Variants in EPG5 observed in about 807,000 individuals in gnomAD.
The protein encoded by EPG5 is ectopic P granules protein 5 homolog.
EPG5 carries 159 observed loss-of-function variants against 302.7 expected under a neutral mutation model. The observed-to-expected ratio is 0.53, with a 90% CI of 0.46 to 0.60. EPG5 has a LOEUF of 0.60. Among genes scored for constraint, EPG5 ranks in the 20% least tolerant of loss-of-function variants. The pLI, the probability that EPG5 is intolerant of heterozygous loss-of-function variation, is 0.00. For synonymous variants in EPG5, 1,158 were observed against 1,136.8 expected, an observed-to-expected ratio of 1.02 and a Z score of -0.37; for missense variants, 2,896 against 3,092.4, an observed-to-expected ratio of 0.94 and a Z score of 1.51.
downstream of EPG5, chr18:45,842,737 T>C (rs1478751748): frequency 6.4e-6 from 1 of 155,978 alleles, no homozygotes; most frequent in African/African-American, 2.4e-5. Context: ...TGAAGGGGCT[T>C]TGGAAAGTAC....
Position 45,955,276 on chromosome 18 carries a change from G to C in EPG5, c.126C>G (p.Thr42=), listed in dbSNP as rs778114558. The C allele has an allele frequency of 6.2e-7, 1 of 1,613,846 alleles. No individual in the cohort carries two copies. Among genetic ancestry groups the C allele is most frequent in the East Asian group, 2.2e-5 (1 of 44,874 alleles). The change falls in exon 2 of 44, where the codon ACC becomes ACG. Residue 42 remains threonine (T), a synonymous_variant. Transcript: ENST00000282041. Reference sequence around the variant, plus strand: ...GAGAAGGGATTTCCTGCTCTCTGGAGGTTTTTGGAAGGGAGACTTCACTGG... The same window carrying C: ...GAGAAGGGATTTCCTGCTCTCTGGACGTTTTTGGAAGGGAGACTTCACTGG... The part of the protein sequence containing the change: ...EESSEVSLPK[T]SREQEIPSLA...
the EPG5 span, among the ~76,000 whole-genome samples, chr18:45,830,877 C>T: frequency 1.3e-4 from 19 of 151,860 alleles, no homozygotes; most frequent in South Asian, 4.2e-4. Context: ...GGATTACAGG[C>T]GTGAGCCACC....
intron 31 of EPG5, among the ~76,000 whole-genome samples, chr18:45,881,664 C>T (rs2049100990): frequency 1.3e-5 from 2 of 152,164 alleles, no homozygotes; most frequent in South Asian, 2.1e-4. Context: ...AATAAAAAAG[C>T]CTACCCTATT....
chr18:45,834,578 T>C, the EPG5 span, among the ~76,000 whole-genome samples: 3 of 152,210 alleles, frequency 2.0e-5, no homozygotes, highest in African/African-American at 7.2e-5. Flanking sequence ...AGGGATATTG[T>C]TCATGCCCAT....
intron 16 of EPG5, among the ~76,000 whole-genome samples, chr18:45,919,551 C>A (rs573678981): frequency 5.1e-4 from 75 of 147,390 alleles, no homozygotes; most frequent in Non-Finnish European, 5.5e-4. Context: ...CTCGCTCTGT[C>A]GCCCAGGCTG....
At position 45,910,565 on chromosome 18, in the gene EPG5, G is replaced by C; in HGVS notation, c.4161C>G (p.Thr1387=). 19 of 1,613,468 alleles carry C rather than the reference G, an allele frequency of 1.2e-5. No homozygotes were observed. The highest frequency in any genetic ancestry group is 1.5e-5 in the Non-Finnish European group (18 of 1,179,884). Residue 1387 remains threonine, a synonymous_variant, in exon 23 of 44, where the codon ACC becomes ACG. Coordinates refer to ENST00000282041, the MANE Select transcript of EPG5 (RefSeq NM_020964.3). The part of the protein sequence containing the change: ...SEGLPESHSG[T]PGYLTSPELH... ...GTTCTGGTGAAGTCAGGTAACCAGG[G>C]GTGCCAGAGTGGCTCTCTGGCAGCC... is the stretch of plus-strand genomic sequence containing the variant.
intron 6 of EPG5, among the ~76,000 whole-genome samples, chr18:45,947,757 A>G (rs1344176737): frequency 6.7e-6 from 1 of 149,836 alleles, no homozygotes; most frequent in African/African-American, 2.4e-5. Flanking sequence ...CCGTTCTCCT[A>G]CTGAAATCTA....
chr18:45,902,564 C>T (rs1422452734), intron 25 of EPG5, among the ~76,000 whole-genome samples: 1 of 152,118 alleles, frequency 6.6e-6, no homozygotes, highest in Non-Finnish European at 1.5e-5. Flanking sequence ...ATATTGAAGC[C>T]AATAAAACAA....
intron 13 of EPG5, among the ~76,000 whole-genome samples, chr18:45,927,591 TATACACAC>T (rs57652969): frequency 0.2 from 14,751 of 75,578 alleles, 1,070 homozygotes; most frequent in East Asian, 0.42. Flanking sequence ...AACAAAAAGT[TATACACAC>T]ACACACACAC....
intron 10 of EPG5, among the ~76,000 whole-genome samples, chr18:45,936,415 C>T (rs1045255116): frequency 6.6e-6 from 1 of 151,924 alleles, no homozygotes; most frequent in African/African-American, 2.4e-5. Context: ...AGGATGGTGG[C>T]CATGCCCCAA....
chr18:45,930,665 C>A lies in EPG5; in HGVS notation c.2412+11G>T. On this transcript the variant is annotated intron_variant, in intron 12 of 43. Transcript: ENST00000282041. ...CATTTTTAGCTGATTTATAAAACTT[C>A]ATATTCTAACCTCATATATCTCCAG... 1 of 1,540,728 alleles carries A rather than the reference C, an allele frequency of 6.5e-7. No homozygotes were observed. The highest frequency in any genetic ancestry group is 8.7e-7 in the Non-Finnish European group (1 of 1,146,986).
chr18:45,952,682 C>T lies in EPG5; in HGVS notation c.1009-39G>A, dbSNP rs551095298. The T allele has an allele frequency of 3.1e-4, 497 of 1,604,318 alleles. 9 individuals carry two copies. In the South Asian group the frequency reaches 4.8e-3, roughly 16 times the overall value. ...AAAAGGTACAATATGAAACCAGTTACTCTTTCCATTTGAAGTAAGCAGGCA... is the reference window on the plus strand; with the variant it reads ...AAAAGGTACAATATGAAACCAGTTATTCTTTCCATTTGAAGTAAGCAGGCA... On this transcript the variant is annotated intron_variant, in intron 2 of 43. Coordinates refer to ENST00000282041, the MANE Select transcript of EPG5 (RefSeq NM_020964.3).
At chr18:45,934,752 A>T in intron 11 of EPG5, 57 bp downstream of exon 11, 2 of 1,541,250 alleles carry the variant, frequency 1.3e-6, no homozygotes. Context: ...TTAAGCCCTG[A>T]AGAGAAGCAC....
intron 39 of EPG5, among the ~76,000 whole-genome samples, chr18:45,864,659 C>T (rs755609000): frequency 6.5e-4 from 99 of 152,242 alleles, no homozygotes; most frequent in South Asian, 2.3e-3. Context: ...AGATGCGTTT[C>T]TCCAAACAGG....
chr18:45,836,994 A>T, the EPG5 span: 4 of 1,072,956 alleles, frequency 3.7e-6, no homozygotes, highest in Admixed American at 1.7e-5. Flanking sequence ...CAGTTTATTC[A>T]CGTGTAACCC....
downstream of EPG5, among the ~76,000 whole-genome samples, chr18:45,845,209 G>C (rs559908668): frequency 1.3e-5 from 2 of 152,318 alleles, no homozygotes; most frequent in African/African-American, 4.8e-5. Flanking sequence ...ATACCCTTCT[G>C]CGGTACTTGC....
chr18:45,818,273 T>A, the EPG5 span, among the ~76,000 whole-genome samples: 1 of 152,030 alleles, frequency 6.6e-6, no homozygotes, highest in South Asian at 2.1e-4. Flanking sequence ...TTTTTTGTTT[T>A]CCTTTATTTT....
At chr18:45,924,898 C>A (rs2050237184) in intron 14 of EPG5, among the ~76,000 whole-genome samples, 1 of 152,084 alleles carries the variant, frequency 6.6e-6, no homozygotes, top group African/African-American at 2.4e-5. Flanking sequence ...CAAAAAACAA[C>A]CCTGTGAGAC....
the EPG5 span, among the ~76,000 whole-genome samples, chr18:45,832,557 G>A: frequency 6.6e-6 from 1 of 152,236 alleles, no homozygotes; most frequent in East Asian, 1.9e-4. Flanking sequence ...CCTAGGTCCA[G>A]CTGTGCCAAA....
Sources: allele counts gnomAD v4.1 joint callset (sites outside exome capture counted in the v4.1 genomes callset), GRCh38; gene constraint gnomAD v4.1.1; transcripts MANE v1.5; gene names NCBI Gene and HGNC (gene_info 2026-07-23, HGNC 2026-07-21).